Variants in ELAVL2 observed in about 807,000 individuals in gnomAD.
ELAVL2 encodes the protein ELAV like RNA binding protein 2.
ELAVL2 carries 4 observed loss-of-function variants against 34.6 expected under a neutral mutation model. That is an observed-to-expected ratio of 0.12 (90% confidence interval 0.06 to 0.26). The LOEUF (loss-of-function observed/expected upper bound fraction) is 0.26. Ranked by LOEUF, ELAVL2 falls within the 10% of genes least tolerant of loss-of-function variation. ELAVL2 has a pLI of 1.00. For missense variants in ELAVL2, 432 were observed against 442.8 expected (o/e 0.98, Z 0.22); for synonymous variants, 193 against 154.8 (o/e 1.25, Z -1.83).
chr9:23,776,533 T>TG (rs1292684423), intron 1 of ELAVL2, among the ~76,000 whole-genome samples: 52 of 152,228 alleles, frequency 3.4e-4, no homozygotes, highest in East Asian at 1.9e-4. Context: ...CCTGATCTAC[T>TG]GCATGTACCA....
rs118067158 is a variant in ELAVL2, at chr9:23,724,220, T to G, written c.333+6802A>C. On this transcript the variant is annotated intron_variant, in intron 3 of 6. Transcript: ENST00000397312. ...ACTCTTCTACCATCACTATCCACTG[T>G]GTGGCTGACAGGCAGGAAGTAAGCA... Among the ~76,000 whole-genome samples the G allele has an allele frequency of 3.9e-3, 589 of 152,304 alleles. 17 individuals carry two copies. The East Asian group carries it at 0.079, about 21-fold the overall frequency.
At chr9:23,716,279 C>T (rs905489738) in intron 3 of ELAVL2, among the ~76,000 whole-genome samples, 1 of 151,906 alleles carries the variant, frequency 6.6e-6, no homozygotes, top group South Asian at 2.1e-4. Flanking sequence ...CAAACCTGCA[C>T]GTTGTGCACA....
At chr9:23,818,190 T>C (rs1343745890) in intron 1 of ELAVL2, among the ~76,000 whole-genome samples, 4 of 152,170 alleles carry the variant, frequency 2.6e-5, no homozygotes, top group African/African-American at 7.2e-5. Context: ...ATGTCCTCCA[T>C]AGTGAATTTG....
At chr9:23,734,641 T>C (rs1587879354) in intron 2 of ELAVL2, among the ~76,000 whole-genome samples, 1 of 152,234 alleles carries the variant, frequency 6.6e-6, no homozygotes, top group East Asian at 1.9e-4. Context: ...GTTTCTTGTT[T>C]GATTACTATC....
intron 5 of ELAVL2, among the ~76,000 whole-genome samples, chr9:23,700,823 G>A (rs2036936115): frequency 6.6e-6 from 1 of 151,788 alleles, no homozygotes; most frequent in South Asian, 2.1e-4. Flanking sequence ...ATACTATAAA[G>A]TGAAGTAACA....
chr9:23,691,150 C>G lies in ELAVL2; in HGVS notation c.*1407G>C, dbSNP rs1274287169. On this transcript the variant is annotated 3_prime_UTR_variant, in exon 7 of 7. Transcript: ENST00000397312. ...CTGTAAATTCAAGTCCTCAGGACAA[C>G]AAAAGTGATTAAGCAAGACCTCAAG... is the stretch of plus-strand genomic sequence containing the variant. 6.6e-6 allele frequency: 1 copy of G among 152,230 alleles called. No individual in the cohort carries two copies. Among genetic ancestry groups the G allele is most frequent in the Non-Finnish European group, 1.5e-5 (1 of 67,934 alleles). 9.4% of individuals were successfully genotyped at this position (152,230 alleles called of 1,614,324 possible).
At chr9:23,787,173 G>C (rs1388992809) in intron 1 of ELAVL2, among the ~76,000 whole-genome samples, 1 of 152,066 alleles carries the variant, frequency 6.6e-6, no homozygotes, top group East Asian at 1.9e-4. Context: ...ATTTAATTTA[G>C]GATATGCTAG....
At chr9:23,734,662 G>T (rs766802161) in intron 2 of ELAVL2, among the ~76,000 whole-genome samples, 5 of 152,050 alleles carry the variant, frequency 3.3e-5, no homozygotes, top group African/African-American at 4.8e-5. Context: ...TCAAACTTCT[G>T]TACCTTTTAT....
intron 1 of ELAVL2, among the ~76,000 whole-genome samples, chr9:23,763,321 A>G (rs2055484651): frequency 6.6e-6 from 1 of 152,100 alleles, no homozygotes; most frequent in African/African-American, 2.4e-5. Flanking sequence ...TCCTATGCAA[A>G]AGAGTCACAA....
At chr9:23,776,467 T>C (rs931513031) in intron 1 of ELAVL2, among the ~76,000 whole-genome samples, 8 of 152,126 alleles carry the variant, frequency 5.3e-5, no homozygotes, top group African/African-American at 1.9e-4. Flanking sequence ...AGGTCTGGTG[T>C]GTAGAATACC....
chr9:23,768,620 A>G (rs2056755248), intron 1 of ELAVL2, among the ~76,000 whole-genome samples: 1 of 152,146 alleles, frequency 6.6e-6, no homozygotes, highest in Non-Finnish European at 1.5e-5. Flanking sequence ...ACCCACTGAA[A>G]TCTAAATTCC....
At chr9:23,696,932 A>T (rs986561189) in intron 5 of ELAVL2, among the ~76,000 whole-genome samples, 3 of 151,482 alleles carry the variant, frequency 2.0e-5, no homozygotes, top group African/African-American at 7.3e-5. Flanking sequence ...TAAAATATAA[A>T]ATAAATATGT....
At chr9:23,786,786 A>C (rs1302191314) in intron 1 of ELAVL2, among the ~76,000 whole-genome samples, 6 of 99,858 alleles carry the variant, frequency 6.0e-5, no homozygotes, top group Admixed American at 2.7e-4. Context: ...AGTGGCAAAA[A>C]AAAAAAAAAA....
chr9:23,813,739 C>T (rs2063336404), intron 1 of ELAVL2, among the ~76,000 whole-genome samples: 1 of 152,080 alleles, frequency 6.6e-6, no homozygotes. Context: ...GAAGGAGAGA[C>T]CCAAGACAAA....
At position 23,765,785 on chromosome 9, in the gene ELAVL2, G is replaced by A. The variant is rs544168803; in HGVS notation, c.-15-3536C>T. The stretch of plus-strand genomic sequence containing the variant: ...GATAAATAGGATTGTTTGGAGTAAT[G>A]CTCGCATAGGATGTCAGCTTTGTCC... On this transcript the variant is annotated intron_variant, in intron 1 of 6. Transcript: ENST00000397312. 3.3e-5 allele frequency among the ~76,000 whole-genome samples: 5 copies of A among 152,240 alleles called. No homozygotes were observed. In the East Asian group the frequency reaches 9.7e-4, roughly 29 times the overall value.
At chr9:23,824,955 G>C (rs1210519925) in intron 1 of ELAVL2, among the ~76,000 whole-genome samples, 1 of 152,118 alleles carries the variant, frequency 6.6e-6, no homozygotes, top group South Asian at 2.1e-4. Flanking sequence ...GAAGTCAGCC[G>C]CGTAGGACCA....
intron 1 of ELAVL2, among the ~76,000 whole-genome samples, chr9:23,822,686 G>A (rs2064984752): frequency 6.6e-6 from 1 of 152,304 alleles, no homozygotes. Context: ...CCTGTAGTTG[G>A]GATTTTTTTC....
At chr9:23,786,802 A>AAAAAAC (rs1554747169) in intron 1 of ELAVL2, among the ~76,000 whole-genome samples, 5 of 127,330 alleles carry the variant, frequency 3.9e-5, no homozygotes, top group Admixed American at 8.1e-5. Context: ...AAAAAAAAAA[A>AAAAAAC]AGAGAGAGAG....
the ELAVL2 span, among the ~76,000 whole-genome samples, chr9:23,836,587 CATAT>C: frequency 1.3e-5 from 2 of 151,962 alleles, no homozygotes; most frequent in East Asian, 3.9e-4. Context: ...GGAAAATATT[CATAT>C]ATATTACAGT....
Sources: gnomAD v4.1 joint callset for allele counts (sites outside exome capture counted in the v4.1 genomes callset) on GRCh38, gnomAD v4.1.1 for gene constraint, MANE v1.5 for transcripts, NCBI Gene and HGNC (gene_info 2026-07-23, HGNC 2026-07-21) for gene names.